Variants in MRTFB observed in about 807,000 individuals in gnomAD.
The protein encoded by MRTFB is myocardin related transcription factor B.
In MRTFB, 29 loss-of-function variants were observed where a neutral mutation model predicts 104.2. The observed-to-expected ratio is 0.28, with a 90% CI of 0.21 to 0.38. MRTFB has a LOEUF of 0.38. Ranked by LOEUF, MRTFB falls within the 10% of genes least tolerant of loss-of-function variation. The probability of loss-of-function intolerance (pLI) is 1.00; values close to 1 mark genes in which losing one functional copy is unlikely to be tolerated. For missense variants in MRTFB, 1,270 were observed against 1,341.6 expected (o/e 0.95, Z 0.83); for synonymous variants, 535 against 519.5 (o/e 1.03, Z -0.41).
chr16:14,234,202 T>G lies in MRTFB; in HGVS notation c.750T>G (p.Asp250Glu), dbSNP rs1480427377. The change falls in exon 9 of 17, where the codon GAT becomes GAG. Residue 250 changes from aspartate (D) to glutamate (E), a missense_variant. Transcript: ENST00000571589. ...PEFLKTPPTA[D>E]QPPPRPAAPV... ...TCTTGAAAACTCCTCCAACTGCAGA[T>G]CAGCCTCCCCCACGGCCTGCAGCTC... The G allele has an allele frequency of 6.2e-7, 1 of 1,614,026 alleles. No homozygotes were observed. Among genetic ancestry groups the G allele is most frequent in the African/African-American group, 1.3e-5 (1 of 74,912 alleles).
chr16:14,011,701 G>A, the MRTFB span, among the ~76,000 whole-genome samples: 1,195 of 152,070 alleles, frequency 7.9e-3, 16 homozygotes, highest in African/African-American at 0.028. Context: ...GTGAAACCCC[G>A]TCTCTACTAA....
intron 2 of MRTFB, among the ~76,000 whole-genome samples, chr16:14,113,736 T>C (rs1171602341): frequency 2.0e-5 from 3 of 151,992 alleles, no homozygotes; most frequent in Admixed American, 6.6e-5. Flanking sequence ...GGGTGATCAA[T>C]AGAGAACTCT....
intron 3 of MRTFB, among the ~76,000 whole-genome samples, chr16:14,168,516 C>T (rs1268590657): frequency 6.6e-6 from 1 of 152,180 alleles, no homozygotes; most frequent in African/African-American, 2.4e-5. Context: ...CTGTATAAGG[C>T]TTCTTGCATT....
intron 2 of MRTFB, among the ~76,000 whole-genome samples, chr16:14,100,587 A>G (rs2035643898): frequency 6.6e-6 from 1 of 152,208 alleles, no homozygotes; most frequent in Non-Finnish European, 1.5e-5. Flanking sequence ...TGCTGGCCTA[A>G]TAGAACAAGA....
At chr16:14,247,751 C>T (rs910238297) in intron 12 of MRTFB, 11 of 514,974 alleles carry the variant, frequency 2.1e-5, no homozygotes, top group Non-Finnish European at 3.1e-5. Context: ...AACACAGTAT[C>T]ATCCATGCAG....
chr16:14,182,621 G>C (rs1475616408), intron 3 of MRTFB, among the ~76,000 whole-genome samples: 2 of 152,118 alleles, frequency 1.3e-5, no homozygotes, highest in Non-Finnish European at 2.9e-5. Context: ...TGCAGAGAAG[G>C]CCTGGGAACA....
chr16:14,039,662 A>G, the MRTFB span, among the ~76,000 whole-genome samples: 2 of 151,828 alleles, frequency 1.3e-5, no homozygotes, highest in Admixed American at 6.6e-5. Context: ...AATTTCATAT[A>G]GCATATTATT....
At chr16:14,073,673 T>C (rs2033869493) in intron 1 of MRTFB, among the ~76,000 whole-genome samples, 2 of 152,194 alleles carry the variant, frequency 1.3e-5, no homozygotes, top group Non-Finnish European at 2.9e-5. Context: ...AGATTGAGGT[T>C]AGAATGGAGT....
the MRTFB span, among the ~76,000 whole-genome samples, chr16:14,001,542 A>T: frequency 6.6e-6 from 1 of 152,238 alleles, no homozygotes; most frequent in East Asian, 1.9e-4. Context: ...CAGATCTGAG[A>T]GTAGTGAACA....
chr16:14,103,677 C>T (rs1336662603), intron 2 of MRTFB, among the ~76,000 whole-genome samples: 1 of 152,206 alleles, frequency 6.6e-6, no homozygotes, highest in African/African-American at 2.4e-5. Flanking sequence ...CTAATGCCTT[C>T]GTCAAAGTCA....
intron 3 of MRTFB, among the ~76,000 whole-genome samples, chr16:14,183,488 A>G (rs1470942543): frequency 6.6e-6 from 1 of 152,056 alleles, no homozygotes; most frequent in Non-Finnish European, 1.5e-5. Flanking sequence ...ATCAATGTTA[A>G]CTTGTTTCCT....
At chr16:14,209,666 G>A (rs1828871054) in intron 3 of MRTFB, among the ~76,000 whole-genome samples, 1 of 152,038 alleles carries the variant, frequency 6.6e-6, no homozygotes, top group South Asian at 2.1e-4. Context: ...ACTGATTTGT[G>A]ACTTTCTTAG....
At chr16:14,089,118 A>G (rs893266859) in intron 2 of MRTFB, among the ~76,000 whole-genome samples, 51 of 152,224 alleles carry the variant, frequency 3.4e-4, no homozygotes, top group African/African-American at 1.2e-3. Flanking sequence ...GTGTTGCTAT[A>G]TGACTTTGAC....
chr16:14,206,717 T>G (rs1269635223), intron 3 of MRTFB, among the ~76,000 whole-genome samples: 1 of 152,144 alleles, frequency 6.6e-6, no homozygotes, highest in Non-Finnish European at 1.5e-5. Context: ...AGTTTTTATA[T>G]TTTCAGTGGA....
At chr16:14,242,992 G>T (rs1365629597) in intron 10 of MRTFB, among the ~76,000 whole-genome samples, 4 of 151,942 alleles carry the variant, frequency 2.6e-5, no homozygotes, top group African/African-American at 9.7e-5. Context: ...ACTTACCTGC[G>T]GTCCATAAAC....
intron 3 of MRTFB, chr16:14,200,354 G>T: frequency 6.2e-7 from 1 of 1,607,916 alleles, no homozygotes. Flanking sequence ...GCGTAGGGCC[G>T]CCATGTTGCA....
At chr16:14,016,927 T>G in the MRTFB span, among the ~76,000 whole-genome samples, 2 of 152,194 alleles carry the variant, frequency 1.3e-5, no homozygotes, top group Non-Finnish European at 2.9e-5. Flanking sequence ...TTGGTTTAAC[T>G]CTGAGTATGT....
chr16:14,122,505 G>T (rs1321657304), intron 2 of MRTFB, among the ~76,000 whole-genome samples: 4 of 151,886 alleles, frequency 2.6e-5, no homozygotes, highest in Non-Finnish European at 5.9e-5. Flanking sequence ...TTATTATTCA[G>T]CTCCCACTTA....
At chr16:14,090,806 G>A (rs1319608483) in intron 2 of MRTFB, among the ~76,000 whole-genome samples, 4 of 151,864 alleles carry the variant, frequency 2.6e-5, no homozygotes, top group African/African-American at 7.3e-5. Context: ...GAGGTGTGAC[G>A]ACTCTGATGC....
Sources: allele counts gnomAD v4.1 joint callset (sites outside exome capture counted in the v4.1 genomes callset), GRCh38; gene constraint gnomAD v4.1.1; transcripts MANE v1.5; gene names NCBI Gene and HGNC (gene_info 2026-07-23, HGNC 2026-07-21).